TBC1D31: variants seen among roughly 807,000 people sequenced by gnomAD.
TBC1D31 encodes TBC1 domain family member 31, also known as WD repeat domain 67.
TBC1D31 carries 99 observed loss-of-function variants against 132.9 expected under a neutral mutation model. The observed-to-expected ratio is 0.74, with a 90% CI of 0.63 to 0.88. The LOEUF (loss-of-function observed/expected upper bound fraction) is 0.88, where lower values mean the gene tolerates loss of function less well. Among genes scored for constraint, TBC1D31 ranks in the 40% least tolerant of loss-of-function variants. The pLI, the probability that TBC1D31 is intolerant of heterozygous loss-of-function variation, is 0.00. For missense variants in TBC1D31, 1,134 were observed against 1,256.6 expected, an observed-to-expected ratio of 0.90 and a Z score of 1.48; for synonymous variants, 385 against 419.4, an observed-to-expected ratio of 0.92 and a Z score of 1.00.
intron 10 of TBC1D31, among the ~76,000 whole-genome samples, chr8:123,118,282 C>G (rs1191327320): frequency 2.0e-5 from 3 of 152,118 alleles, no homozygotes; most frequent in Non-Finnish European, 4.4e-5. Flanking sequence ...GTGTTAATTT[C>G]TTAGTACTGA....
intron 21 of TBC1D31, among the ~76,000 whole-genome samples, chr8:123,151,558 A>T (rs1258513166): frequency 6.6e-6 from 1 of 152,214 alleles, no homozygotes; most frequent in East Asian, 1.9e-4. Flanking sequence ...CTTTGTTTCT[A>T]ACTTAAGATT....
chr8:123,120,103 A>G lies in TBC1D31; in HGVS notation c.1485A>G (p.Pro495=), dbSNP rs780212063. The G allele has an allele frequency of 1.4e-4, 233 of 1,610,970 alleles. No homozygotes were observed. Among genetic ancestry groups the G allele is most frequent in the Non-Finnish European group, 1.6e-5 (19 of 1,178,588 alleles). Residue 495 remains proline, a synonymous_variant, in exon 11 of 22, where the codon CCA becomes CCG. Coordinates refer to ENST00000287380, the MANE Select transcript of TBC1D31 (RefSeq NM_145647.4). The stretch of plus-strand genomic sequence containing the variant: ...GGTCTGTCATTTTTAGTGACACACC[A>G]TATCTTCCACTCTTGGCATTTCCAT... ...AHWSVIFSDT[P]YLPLLAFPFV...
chr8:123,115,070 C>A (rs1818787377), intron 10 of TBC1D31, among the ~76,000 whole-genome samples: 1 of 152,094 alleles, frequency 6.6e-6, no homozygotes, highest in Admixed American at 6.5e-5. Context: ...TCATAAATAT[C>A]TTGTGTGAAT....
intron 6 of TBC1D31, 64 bp from the exon 7 acceptor site, chr8:123,100,743 A>G (rs1321883718): frequency 3.2e-6 from 4 of 1,258,992 alleles, no homozygotes; most frequent in African/African-American, 1.5e-5. Flanking sequence ...AGACGTGTAT[A>G]TAGTAGGACT....
In TBC1D31 at chr8:123,126,670, C is replaced by T; in HGVS notation, c.1867C>T (p.Leu623Phe). Residue 623 changes from leucine to phenylalanine, a missense_variant, in exon 13 of 22, where the codon CTT (leucine) becomes TTT (phenylalanine). Physicochemically the swap from Leu to Phe is conservative, Grantham distance 22 (BLOSUM62 0). Coordinates refer to ENST00000287380, the MANE Select transcript of TBC1D31 (RefSeq NM_145647.4). ...TAGAACGCCTCTGCTCAGCTGTAAT[C>T]TTAAAGATGACTTTGAGGTAACGGT... ...CSRTPLLSCN[L>F]KDDFEFFFHH... The T allele has an allele frequency of 6.2e-7, 1 of 1,611,246 alleles. No individual in the cohort carries two copies. The highest frequency in any genetic ancestry group is 1.1e-5 in the South Asian group (1 of 90,182).
Position 123,144,948 on chromosome 8 carries a change from G to A in TBC1D31, c.2974+93G>A, listed in dbSNP as rs531755586. On this transcript the variant is annotated intron_variant, in intron 20 of 21. Transcript: ENST00000287380. The stretch of plus-strand genomic sequence containing the variant: ...ATGATTTTTTTTTTTTTTTGAGATA[G>A]GGTCTTGTTCTGTCACCCAAGCTGG... 1.9e-4 allele frequency: 222 copies of A among 1,197,366 alleles called. 2 individuals carry two copies. In the South Asian group the frequency reaches 3.1e-3, roughly 17 times the overall value. 74.2% of individuals were successfully genotyped at this position (1,197,366 alleles called of 1,614,324 possible). A position where few individuals can be genotyped will look rare whatever the true frequency, so the allele number is the denominator to read the frequency against.
chr8:123,088,422 C>CA (rs1025275370), intron 4 of TBC1D31, among the ~76,000 whole-genome samples: 13 of 147,328 alleles, frequency 8.8e-5, no homozygotes, highest in South Asian at 6.5e-4. Context: ...AGACCCATCT[C>CA]AAAAAAAAAA....
chr8:123,147,518 C>T (rs1822338411), intron 20 of TBC1D31, among the ~76,000 whole-genome samples: 1 of 152,136 alleles, frequency 6.6e-6, no homozygotes, highest in Admixed American at 6.6e-5. Flanking sequence ...AGAGAGCTAT[C>T]TACGTAGAAA....
intron 16 of TBC1D31, among the ~76,000 whole-genome samples, chr8:123,132,617 T>C (rs1478166764): frequency 6.6e-6 from 1 of 151,984 alleles, no homozygotes; most frequent in Non-Finnish European, 1.5e-5. Context: ...TTTCACCATG[T>C]TGGTCAGGCT....
chr8:123,157,840 G>A, the TBC1D31 span, among the ~76,000 whole-genome samples: 1 of 152,084 alleles, frequency 6.6e-6, no homozygotes, highest in East Asian at 1.9e-4. Flanking sequence ...CTCCTCGGCT[G>A]AGGCTGCGCT....
At chr8:123,100,506 G>A (rs545546301) in intron 6 of TBC1D31, among the ~76,000 whole-genome samples, 12 of 152,100 alleles carry the variant, frequency 7.9e-5, no homozygotes, top group African/African-American at 2.4e-4. Flanking sequence ...AACCCAGGGG[G>A]CGGAGGTTGC....
intron 4 of TBC1D31, among the ~76,000 whole-genome samples, chr8:123,091,518 CCA>C (rs1390594066): frequency 6.6e-6 from 1 of 152,100 alleles, no homozygotes; most frequent in African/African-American, 2.4e-5. Flanking sequence ...AAAAGATCTA[CCA>C]CAGATTGTCT....
intron 6 of TBC1D31, among the ~76,000 whole-genome samples, chr8:123,100,186 C>T (rs1482171909): frequency 6.6e-6 from 1 of 152,178 alleles, no homozygotes; most frequent in Non-Finnish European, 1.5e-5. Flanking sequence ...ATTCTTAGGG[C>T]ACCTTTCCAT....
At chr8:123,099,145 A>C (rs771702572) in intron 6 of TBC1D31, among the ~76,000 whole-genome samples, 2 of 152,088 alleles carry the variant, frequency 1.3e-5, no homozygotes, top group Non-Finnish European at 2.9e-5. Flanking sequence ...TTTGAGACGG[A>C]GTCTCGCTCT....
At chr8:123,145,358 G>T (rs1364211642) in intron 20 of TBC1D31, among the ~76,000 whole-genome samples, 2 of 152,174 alleles carry the variant, frequency 1.3e-5, no homozygotes, top group Non-Finnish European at 2.9e-5. Context: ...CAGAGTCCCA[G>T]TCGAGGAAAA....
chr8:123,135,916 A>G (rs1821049898), intron 17 of TBC1D31, among the ~76,000 whole-genome samples: 1 of 152,238 alleles, frequency 6.6e-6, no homozygotes, highest in South Asian at 2.1e-4. Context: ...CAAGAAAAAT[A>G]CTAAAAATTT....
intron 14 of TBC1D31, 117 bp from the exon 15 acceptor site, chr8:123,128,949 T>G: frequency 1.6e-6 from 1 of 643,276 alleles, no homozygotes; most frequent in South Asian, 3.5e-5. Flanking sequence ...ATATTAAAGA[T>G]AGTTAATTCT....
intron 13 of TBC1D31, among the ~76,000 whole-genome samples, chr8:123,127,200 T>C (rs1275155837): frequency 6.6e-6 from 1 of 151,648 alleles, no homozygotes; most frequent in Admixed American, 6.6e-5. Context: ...AGCAGGCTAG[T>C]AGTCTTATAA....
intron 1 of TBC1D31, among the ~76,000 whole-genome samples, chr8:123,075,817 G>A (rs1203870498): frequency 5.3e-5 from 8 of 152,102 alleles, no homozygotes; most frequent in Non-Finnish European, 8.8e-5. Flanking sequence ...TCTTTGTGAC[G>A]AGAATATACG....
Sources: gnomAD v4.1 joint callset for allele counts (sites outside exome capture counted in the v4.1 genomes callset) on GRCh38, gnomAD v4.1.1 for gene constraint, MANE v1.5 for transcripts, NCBI Gene and HGNC (gene_info 2026-07-23, HGNC 2026-07-21) for gene names.